Variants in SEMA5A observed in about 807,000 individuals in gnomAD.
SEMA5A encodes semaphorin 5A.
In SEMA5A, 55 loss-of-function variants were observed where a neutral mutation model predicts 135.5. The observed-to-expected ratio is 0.41, with a 90% CI of 0.33 to 0.51. The LOEUF (loss-of-function observed/expected upper bound fraction) is 0.51. Ranked by LOEUF, SEMA5A falls within the 20% of genes least tolerant of loss-of-function variation. The pLI is 0.37. For missense variants in SEMA5A, 1,290 were observed against 1,419.9 expected (o/e 0.91, Z 1.47); for synonymous variants, 580 against 546.5 (o/e 1.06, Z -0.85).
chr5:9,525,469 AG>A (rs1187459538), intron 1 of SEMA5A, among the ~76,000 whole-genome samples: 1 of 152,230 alleles, frequency 6.6e-6, no homozygotes, highest in Non-Finnish European at 1.5e-5. Context: ...TGAAGAAAAA[AG>A]GCTCTCAATG....
At chr5:9,158,683 G>A (rs1420508360) in intron 11 of SEMA5A, among the ~76,000 whole-genome samples, 3 of 152,064 alleles carry the variant, frequency 2.0e-5, no homozygotes, top group Non-Finnish European at 4.4e-5. Flanking sequence ...TACTCATTAT[G>A]CTATGGACAC....
chr5:9,144,067 G>A (rs1034253015), intron 12 of SEMA5A, among the ~76,000 whole-genome samples: 4 of 152,084 alleles, frequency 2.6e-5, no homozygotes, highest in Non-Finnish European at 5.9e-5. Flanking sequence ...ATGTGCTCAG[G>A]AAGAAAAGAA....
intron 3 of SEMA5A, among the ~76,000 whole-genome samples, chr5:9,355,901 C>T (rs978183406): frequency 2.6e-5 from 4 of 152,332 alleles, no homozygotes; most frequent in African/African-American, 9.6e-5. Context: ...TTATTCCTCT[C>T]TATCTACAAC....
chr5:9,138,370 G>A lies in SEMA5A; in HGVS notation c.1482-1749C>T, dbSNP rs1197897306. ...ATCTATATATACATATATATATTTT[G>A]TTATTGTTTATAGGCAAATATATGT... is the stretch of plus-strand genomic sequence containing the variant. On this transcript the variant is annotated intron_variant, in intron 12 of 22. Transcript: ENST00000382496. Among the ~76,000 whole-genome samples, 6 of 151,942 alleles carry A rather than the reference G, an allele frequency of 3.9e-5. No individual in the cohort carries two copies. In the East Asian group the frequency reaches 9.6e-4, roughly 24 times the overall value.
At chr5:9,380,482 T>C (rs1045097943) in intron 2 of SEMA5A, among the ~76,000 whole-genome samples, 20 of 152,216 alleles carry the variant, frequency 1.3e-4, no homozygotes, top group South Asian at 6.2e-4. Flanking sequence ...GCCACAGCCA[T>C]TGTCTTTTAC....
intron 3 of SEMA5A, among the ~76,000 whole-genome samples, chr5:9,376,336 C>T (rs1755362500): frequency 6.6e-6 from 1 of 152,208 alleles, no homozygotes; most frequent in South Asian, 2.1e-4. Context: ...CTCCCTCTCT[C>T]ACTTCAGGGC....
rs188048073 is a variant in SEMA5A at position 9,327,505 on chromosome 5, A to T, written c.225-9088T>A. Among the ~76,000 whole-genome samples, 519 of 152,284 alleles carry T rather than the reference A, an allele frequency of 3.4e-3. 1 individual carries two copies. The highest frequency in any genetic ancestry group is 4.2e-3 in the Non-Finnish European group (284 of 67,998). On this transcript the variant is annotated intron_variant, in intron 4 of 22. Transcript: ENST00000382496. ...AACACACTAAAACTGAGATCAAACCATTTTAATAGCATTCTTATATATTTA... is the reference window on the plus strand; with the variant it reads ...AACACACTAAAACTGAGATCAAACCTTTTTAATAGCATTCTTATATATTTA...
intron 10 of SEMA5A, among the ~76,000 whole-genome samples, chr5:9,191,331 G>C (rs1745102117): frequency 6.6e-6 from 1 of 152,178 alleles, no homozygotes; most frequent in South Asian, 2.1e-4. Flanking sequence ...TGTTATATAA[G>C]ACTGTTTCTG....
At chr5:9,243,341 G>A (rs971309822) in intron 5 of SEMA5A, among the ~76,000 whole-genome samples, 15 of 152,180 alleles carry the variant, frequency 9.9e-5, no homozygotes, top group African/African-American at 3.6e-4. Flanking sequence ...GTTTTTCTTT[G>A]TCCAAATGTT....
chr5:9,288,746 T>C (rs1017847097), intron 5 of SEMA5A, among the ~76,000 whole-genome samples: 1 of 152,210 alleles, frequency 6.6e-6, no homozygotes, highest in Non-Finnish European at 1.5e-5. Flanking sequence ...CAAAAAATGG[T>C]TGCATAATGA....
At position 9,147,307 on chromosome 5, in the gene SEMA5A, T is replaced by C. The variant is rs190026558; in HGVS notation, c.1481+7181A>G. ...CCTTTTCTTTTTCTTTTTCTTTTTT[T>C]CTTAGACAGAATCTTGCTCTGTCAC... On this transcript the variant is annotated intron_variant, in intron 12 of 22. Transcript: ENST00000382496. 5.1e-4 allele frequency among the ~76,000 whole-genome samples: 78 copies of C among 152,290 alleles called. 2 individuals are homozygous for C. The East Asian group carries it at 0.015, about 29-fold the overall frequency.
chr5:9,267,584 T>G (rs1749750169), intron 5 of SEMA5A, among the ~76,000 whole-genome samples: 1 of 152,206 alleles, frequency 6.6e-6, no homozygotes, highest in Non-Finnish European at 1.5e-5. Flanking sequence ...GACCAGTGTT[T>G]CTGAAAGAGA....
intron 16 of SEMA5A, among the ~76,000 whole-genome samples, chr5:9,075,765 A>G (rs1012390972): frequency 9.8e-5 from 15 of 152,336 alleles, no homozygotes; most frequent in African/African-American, 3.4e-4. Context: ...TTATGAATGT[A>G]TAAATACCTT....
rs141967555 is a variant in SEMA5A, at chr5:9,280,525, C to T, written c.270+37847G>A. ...ATGTCCCTCAACAGGACCAGGGTTA[C>T]TATTCATAGGAGAAGCTCTCACTTG... On this transcript the variant is annotated intron_variant, in intron 5 of 22. Coordinates refer to ENST00000382496, the MANE Select transcript of SEMA5A (RefSeq NM_003966.3). 6.6e-5 allele frequency among the ~76,000 whole-genome samples: 10 copies of T among 152,304 alleles called. No homozygotes were observed. In the East Asian group the frequency reaches 1.7e-3, roughly 26 times the overall value.
At chr5:9,157,544 C>A (rs573067228) in intron 11 of SEMA5A, among the ~76,000 whole-genome samples, 10 of 152,158 alleles carry the variant, frequency 6.6e-5, no homozygotes, top group South Asian at 2.1e-4. Flanking sequence ...CGTCCACCCG[C>A]CCCTGTCATC....
intron 2 of SEMA5A, among the ~76,000 whole-genome samples, chr5:9,413,087 G>T (rs188253620): frequency 6.6e-6 from 1 of 152,248 alleles, no homozygotes; most frequent in Non-Finnish European, 1.5e-5. Context: ...TGGGTACAAA[G>T]TCAGGTGGCC....
chr5:9,166,872 T>C (rs1328101348), intron 11 of SEMA5A, among the ~76,000 whole-genome samples: 1 of 152,210 alleles, frequency 6.6e-6, no homozygotes, highest in East Asian at 1.9e-4. Context: ...GAAAGGAAAT[T>C]ACTTGCCTTA....
At chr5:9,392,437 C>G in intron 2 of SEMA5A, among the ~76,000 whole-genome samples, 2 of 151,914 alleles carry the variant, frequency 1.3e-5, no homozygotes, top group Middle Eastern at 3.4e-3. Flanking sequence ...TCATAAGATA[C>G]AGGTATATTC....
intron 1 of SEMA5A, among the ~76,000 whole-genome samples, chr5:9,458,368 A>C (rs1487722588): frequency 6.6e-6 from 1 of 152,198 alleles, no homozygotes; most frequent in Non-Finnish European, 1.5e-5. Flanking sequence ...GATCTGATGA[A>C]TCTTTCGCTC....
Sources: gnomAD v4.1 joint callset for allele counts (sites outside exome capture counted in the v4.1 genomes callset) on GRCh38, gnomAD v4.1.1 for gene constraint, MANE v1.5 for transcripts, NCBI Gene and HGNC (gene_info 2026-07-23, HGNC 2026-07-21) for gene names.